Variants in ARMC2 observed in about 807,000 individuals in gnomAD.
ARMC2 encodes armadillo repeat-containing protein 2.
A neutral mutation model predicts 90.3 loss-of-function variants in ARMC2; 67 were observed. The ratio of observed to expected loss-of-function variants is 0.74; its 90% CI spans 0.61 to 0.91. The LOEUF (loss-of-function observed/expected upper bound fraction) is 0.91. Among genes scored for constraint, ARMC2 ranks in the 40% least tolerant of loss-of-function variants. The probability of loss-of-function intolerance (pLI) is 0.00; values close to 1 mark genes in which losing one functional copy is unlikely to be tolerated. For missense variants in ARMC2, 920 were observed against 1,030.9 expected (o/e 0.89, Z 1.47); for synonymous variants, 393 against 393.0 (o/e 1.00, Z 0.00).
At chr6:108,946,840 C>T (rs929481079) in intron 12 of ARMC2, among the ~76,000 whole-genome samples, 2 of 152,110 alleles carry the variant, frequency 1.3e-5, no homozygotes, top group Admixed American at 6.5e-5. Context: ...TGTTTCTTCC[C>T]CACAGTCAAC....
chr6:108,895,201 G>T (rs186293942), intron 6 of ARMC2, among the ~76,000 whole-genome samples: 2 of 150,318 alleles, frequency 1.3e-5, no homozygotes, highest in Non-Finnish European at 3.0e-5. Flanking sequence ...GGTGGCTCAC[G>T]CCTGTAATCC....
At chr6:109,006,118 A>C in the ARMC2 span, among the ~76,000 whole-genome samples, 1 of 152,188 alleles carries the variant, frequency 6.6e-6, no homozygotes, top group Non-Finnish European at 1.5e-5. Context: ...GCACTGTTTT[A>C]AATTATACTA....
At chr6:108,923,770 G>A (rs1162683841) in intron 10 of ARMC2, among the ~76,000 whole-genome samples, 3 of 152,060 alleles carry the variant, frequency 2.0e-5, no homozygotes. Context: ...CATCTGCGTG[G>A]TGGCCTTTTC....
At chr6:108,994,496 T>C in the ARMC2 span, 2 of 1,613,120 alleles carry the variant, frequency 1.2e-6, no homozygotes, top group East Asian at 2.2e-5. Flanking sequence ...CTCTTTTTTC[T>C]ATTTCAAAAC....
the ARMC2 span, among the ~76,000 whole-genome samples, chr6:109,004,648 T>C: frequency 6.6e-6 from 1 of 152,256 alleles, no homozygotes; most frequent in Admixed American, 6.5e-5. Flanking sequence ...GCCAGGATGG[T>C]CTCAATCTCC....
rs576229126 is a variant in ARMC2 at position 108,868,591 on chromosome 6, G to A, written c.292-233G>A. Among the ~76,000 whole-genome samples, 4 of 152,286 alleles carry A rather than the reference G, an allele frequency of 2.6e-5. No individual in the cohort carries two copies. In the South Asian group the frequency reaches 8.3e-4, roughly 32 times the overall value. Reference sequence around the variant, plus strand: ...ACTGTTTTACTCAAGTATGGTAATAGCACAGCAGAGTAGTTAATACAATAT... The same window carrying A: ...ACTGTTTTACTCAAGTATGGTAATAACACAGCAGAGTAGTTAATACAATAT... On this transcript the variant is annotated intron_variant, in intron 3 of 17. Coordinates refer to ENST00000392644, the MANE Select transcript of ARMC2 (RefSeq NM_032131.6).
the ARMC2 span, among the ~76,000 whole-genome samples, chr6:108,995,551 C>G: frequency 0.098 from 14,978 of 152,196 alleles, 902 homozygotes; most frequent in Middle Eastern, 0.19. Context: ...TACTTCTATA[C>G]CCTGCTGCAT....
chr6:109,018,355 T>C, the ARMC2 span, among the ~76,000 whole-genome samples: 1 of 152,258 alleles, frequency 6.6e-6, no homozygotes, highest in African/African-American at 2.4e-5. Context: ...CTTGTAAATG[T>C]ATAAATGTGT....
At chr6:108,969,413 T>C (rs1778603987) in intron 17 of ARMC2, among the ~76,000 whole-genome samples, 1 of 152,230 alleles carries the variant, frequency 6.6e-6, no homozygotes, top group Non-Finnish European at 1.5e-5. Context: ...CATATTTATA[T>C]TTTAGGGTCT....
the ARMC2 span, among the ~76,000 whole-genome samples, chr6:109,005,703 C>T: frequency 6.6e-6 from 1 of 152,162 alleles, no homozygotes; most frequent in Admixed American, 6.5e-5. Context: ...ATAACACTGT[C>T]TCCCCTCTTC....
chr6:109,041,921 T>C, the ARMC2 span, among the ~76,000 whole-genome samples: 241 of 152,238 alleles, frequency 1.6e-3, no homozygotes, highest in African/African-American at 5.5e-3. Context: ...TCAGGGAATA[T>C]ATACCAAAAC....
At chr6:108,996,225 T>G in the ARMC2 span, among the ~76,000 whole-genome samples, 2 of 152,224 alleles carry the variant, frequency 1.3e-5, no homozygotes, top group African/African-American at 4.8e-5. Flanking sequence ...ACAATCTATA[T>G]CACTTGTGCT....
intron 12 of ARMC2, among the ~76,000 whole-genome samples, chr6:108,939,383 G>A (rs547124674): frequency 2.6e-5 from 4 of 152,222 alleles, no homozygotes; most frequent in Non-Finnish European, 4.4e-5. Flanking sequence ...GAGTTCTCAC[G>A]GATGGGTTAG....
the ARMC2 span, chr6:108,998,923 T>A: frequency 1.6e-6 from 1 of 610,860 alleles, no homozygotes; most frequent in Non-Finnish European, 2.7e-6. Flanking sequence ...TTTATGAATA[T>A]GCATTCACAA....
At chr6:108,977,067 C>A (rs949094941), downstream of ARMC2, among the ~76,000 whole-genome samples, 2 of 152,146 alleles carry the variant, frequency 1.3e-5, no homozygotes, top group Non-Finnish European at 2.9e-5. Context: ...GAGAGGACAT[C>A]CTTGTCTTGT....
At chr6:108,854,118 A>G in intron 1 of ARMC2, 107 bp from the exon 2 acceptor site, 1 of 585,950 alleles carries the variant, frequency 1.7e-6, no homozygotes, top group East Asian at 3.1e-5. Flanking sequence ...GTGGATTTTT[A>G]AAAGCTTAAT....
chr6:108,918,899 A>G (rs1774266408), intron 10 of ARMC2, among the ~76,000 whole-genome samples: 1 of 152,276 alleles, frequency 6.6e-6, no homozygotes, highest in Non-Finnish European at 1.5e-5. Context: ...TCAAAGAGCA[A>G]TTATTTCTGA....
the ARMC2 span, among the ~76,000 whole-genome samples, chr6:108,983,652 AAT>A: frequency 1.3e-5 from 2 of 152,124 alleles, no homozygotes; most frequent in African/African-American, 4.8e-5. Flanking sequence ...GTTGCTTTGC[AAT>A]ATGTTTTGAA....
rs559300795 is a variant in ARMC2 at position 108,962,492 on chromosome 6, A to G, written c.2152+365A>G. Among the ~76,000 whole-genome samples, 3 of 152,374 alleles carry G rather than the reference A, an allele frequency of 2.0e-5. No homozygotes were observed. The East Asian group carries it at 5.8e-4, about 29-fold the overall frequency. The stretch of plus-strand genomic sequence containing the variant: ...AGAAACAACCTAAATGTTCCTCAAC[A>G]GAGAAGAGGACAAATTCATTATGGT... On this transcript the variant is annotated intron_variant, in intron 15 of 17. Coordinates refer to ENST00000392644, the MANE Select transcript of ARMC2 (RefSeq NM_032131.6).
Sources: allele counts gnomAD v4.1 joint callset (sites outside exome capture counted in the v4.1 genomes callset), GRCh38; gene constraint gnomAD v4.1.1; transcripts MANE v1.5; gene names NCBI Gene and HGNC (gene_info 2026-07-23, HGNC 2026-07-21).